TMEM229B: variants seen among roughly 807,000 people sequenced by gnomAD.
The protein encoded by TMEM229B is chromosome 14 open reading frame 83.
Under a neutral mutation model 13.7 loss-of-function variants are expected in TMEM229B, and 6 were observed. That is an observed-to-expected ratio of 0.44 (90% CI 0.24 to 0.86). The LOEUF (loss-of-function observed/expected upper bound fraction) is 0.86. TMEM229B is among the 40% of genes least tolerant of loss of function. TMEM229B has a pLI of 0.23. For synonymous variants in TMEM229B, 107 were observed against 102.1 expected (o/e 1.05, Z -0.29); for missense variants, 170 against 236.0 (o/e 0.72, Z 1.83).
chr14:67,506,938 C>T (rs953770539), intron 1 of TMEM229B, among the ~76,000 whole-genome samples: 4 of 152,022 alleles, frequency 2.6e-5, no homozygotes, highest in Non-Finnish European at 2.9e-5. Flanking sequence ...GAGCTGAGAT[C>T]GTGCCACTGC....
At chr14:67,492,079 T>TC (rs1298463547), upstream of TMEM229B, among the ~76,000 whole-genome samples, 4 of 151,738 alleles carry the variant, frequency 2.6e-5, no homozygotes, top group Non-Finnish European at 5.9e-5. Context: ...CCCTCTCCTC[T>TC]CCCCCTTCCT....
At chr14:67,501,168 T>A (rs1291155262) in intron 1 of TMEM229B, among the ~76,000 whole-genome samples, 1 of 151,714 alleles carries the variant, frequency 6.6e-6, no homozygotes, top group Admixed American at 6.6e-5. Context: ...TTGAACGAAA[T>A]GCAAACCTCC....
chr14:67,529,555 A>T (rs1566712065), intron 1 of TMEM229B, among the ~76,000 whole-genome samples: 1 of 152,142 alleles, frequency 6.6e-6, no homozygotes, highest in Admixed American at 6.5e-5. Flanking sequence ...ACATGCACAC[A>T]TATACACGCT....
At chr14:67,476,762 G>C (rs2140055790) in intron 2 of TMEM229B, among the ~76,000 whole-genome samples, 1 of 152,250 alleles carries the variant, frequency 6.6e-6, no homozygotes, top group East Asian at 1.9e-4. Flanking sequence ...TTCTACTGCA[G>C]AACTCATCCC....
chr14:67,504,011 A>G (rs1366613827), intron 1 of TMEM229B, among the ~76,000 whole-genome samples: 3 of 123,732 alleles, frequency 2.4e-5, no homozygotes, highest in African/African-American at 9.4e-5. Context: ...CTATTTTTTA[A>G]TTTTTATTTT....
intron 1 of TMEM229B, among the ~76,000 whole-genome samples, chr14:67,506,710 G>C (rs1172871258): frequency 1.3e-5 from 2 of 152,216 alleles, no homozygotes; most frequent in Non-Finnish European, 2.9e-5. Context: ...TTTGGGCCAG[G>C]AGTGGTGGCT....
At chr14:67,476,202 C>G (rs1395270621) in intron 2 of TMEM229B, among the ~76,000 whole-genome samples, 1 of 152,228 alleles carries the variant, frequency 6.6e-6, no homozygotes, top group African/African-American at 2.4e-5. Context: ...TCAGCTGAAG[C>G]AGGCCTGGTC....
At chr14:67,527,431 T>C (rs925253258) in intron 1 of TMEM229B, among the ~76,000 whole-genome samples, 2 of 152,066 alleles carry the variant, frequency 1.3e-5, no homozygotes, top group Non-Finnish European at 2.9e-5. Flanking sequence ...AGAGTGAAAC[T>C]CCATCTCAAA....
intron 2 of TMEM229B, among the ~76,000 whole-genome samples, chr14:67,474,218 C>G (rs2031013999): frequency 6.6e-6 from 1 of 151,838 alleles, no homozygotes; most frequent in Non-Finnish European, 1.5e-5. Flanking sequence ...CGCCACTGCA[C>G]TCCAGCCTGG....
intron 1 of TMEM229B, among the ~76,000 whole-genome samples, chr14:67,497,589 T>C (rs1324614232): frequency 6.6e-6 from 1 of 152,210 alleles, no homozygotes; most frequent in Non-Finnish European, 1.5e-5. Flanking sequence ...TGTCCATTTA[T>C]AATTATCTAT....
upstream of TMEM229B, among the ~76,000 whole-genome samples, chr14:67,518,857 G>A (rs1012480208): frequency 2.0e-5 from 3 of 152,176 alleles, no homozygotes; most frequent in South Asian, 2.1e-4. Flanking sequence ...CCTGCAGCCC[G>A]ATCAGAAAGG....
At chr14:67,519,568 C>T (rs545451434), upstream of TMEM229B, among the ~76,000 whole-genome samples, 1 of 152,166 alleles carries the variant, frequency 6.6e-6, no homozygotes, top group Admixed American at 6.5e-5. Flanking sequence ...TACTGCACAT[C>T]GTGATTAGAG....
chr14:67,480,838 C>G (rs1177837611), intron 2 of TMEM229B, among the ~76,000 whole-genome samples: 1 of 152,188 alleles, frequency 6.6e-6, no homozygotes. Flanking sequence ...TGGGATGGCC[C>G]AGACCGGTTT....
upstream of TMEM229B, among the ~76,000 whole-genome samples, chr14:67,492,938 A>G (rs112252113): frequency 1.3e-5 from 2 of 152,200 alleles, no homozygotes; most frequent in African/African-American, 4.8e-5. Flanking sequence ...AAGTTTTAAT[A>G]TTATGCCATG....
At chr14:67,530,994 C>T (rs1337251153) in intron 1 of TMEM229B, among the ~76,000 whole-genome samples, 1 of 152,224 alleles carries the variant, frequency 6.6e-6, no homozygotes, top group Non-Finnish European at 1.5e-5. Context: ...CCCATCCCGG[C>T]CTCATCTTCT....
intron 2 of TMEM229B, among the ~76,000 whole-genome samples, chr14:67,483,998 G>C (rs1322271022): frequency 6.6e-6 from 1 of 152,216 alleles, no homozygotes; most frequent in African/African-American, 2.4e-5. Flanking sequence ...CTGCACGGGG[G>C]ACTGGCAGGC....
rs907607910 is a variant in TMEM229B at position 67,472,201 on chromosome 14, C to T, written c.*1219G>A. ...GCTCTGGCAGAACCAGAACTGATACCCTCCCACAAAGGAGGCTCCAAGGAG... is the reference window on the plus strand; with the variant it reads ...GCTCTGGCAGAACCAGAACTGATACTCTCCCACAAAGGAGGCTCCAAGGAG... On this transcript the variant is annotated 3_prime_UTR_variant, in exon 3 of 3. Coordinates refer to ENST00000554480, the MANE Select transcript of TMEM229B (RefSeq NM_001348543.2). 2.0e-5 allele frequency: 3 copies of T among 152,242 alleles called. No individual in the cohort carries two copies. Among genetic ancestry groups the T allele is most frequent in the African/African-American group, 7.2e-5 (3 of 41,444 alleles). The allele number at this position is 152,242 out of a possible 1,614,324, so 9.4% of individuals were successfully genotyped here. A position where few individuals can be genotyped will look rare whatever the true frequency, so the allele number is the denominator to read the frequency against.
At chr14:67,486,397 C>G (rs2031883167) in intron 2 of TMEM229B, among the ~76,000 whole-genome samples, 1 of 152,252 alleles carries the variant, frequency 6.6e-6, no homozygotes, top group Non-Finnish European at 1.5e-5. Flanking sequence ...GCCTCAGCCT[C>G]CTGAATAGCT....
chr14:67,483,122 T>C (rs1293541329), intron 2 of TMEM229B, among the ~76,000 whole-genome samples: 1 of 152,142 alleles, frequency 6.6e-6, no homozygotes, highest in East Asian at 1.9e-4. Context: ...GCAATTCTCA[T>C]GCCTCAGCCT....
Sources: gnomAD v4.1 joint callset for allele counts (sites outside exome capture counted in the v4.1 genomes callset) on GRCh38, gnomAD v4.1.1 for gene constraint, MANE v1.5 for transcripts, NCBI Gene and HGNC (gene_info 2026-07-23, HGNC 2026-07-21) for gene names.